Variants in SORCS2 observed in about 807,000 individuals in gnomAD.
SORCS2 encodes VPS10 domain-containing receptor SorCS2.
In SORCS2, 100 loss-of-function variants were observed where a neutral mutation model predicts 141.6. The ratio of observed to expected loss-of-function variants is 0.71; its 90% CI spans 0.60 to 0.83. The LOEUF is 0.83. Among genes scored for constraint, SORCS2 ranks in the 40% least tolerant of loss-of-function variants. The pLI is 0.00. For missense variants in SORCS2, 1,646 were observed against 1,560.2 expected, an observed-to-expected ratio of 1.05 and a Z score of -0.93; for synonymous variants, 789 against 676.9, an observed-to-expected ratio of 1.17 and a Z score of -2.57.
At chr4:7,601,495 CG>C (rs1717662394) in intron 3 of SORCS2, among the ~76,000 whole-genome samples, 1 of 151,346 alleles carries the variant, frequency 6.6e-6, no homozygotes, top group Non-Finnish European at 1.5e-5. Context: ...GCTGCATGCC[CG>C]TAGTCCCAGC....
At chr4:7,465,046 C>G (rs1325108940) in intron 2 of SORCS2, among the ~76,000 whole-genome samples, 1 of 152,238 alleles carries the variant, frequency 6.6e-6, no homozygotes, top group Non-Finnish European at 1.5e-5. Flanking sequence ...ATGAGGATGA[C>G]AAAGCACCCC....
chr4:7,624,746 C>G (rs1287859343), intron 3 of SORCS2, among the ~76,000 whole-genome samples: 1 of 152,254 alleles, frequency 6.6e-6, no homozygotes, highest in South Asian at 2.1e-4. Flanking sequence ...CACCATCACT[C>G]CAGAGAATTA....
rs1291159616 is a variant in SORCS2 at position 7,664,518 on chromosome 4, G to A, written c.1071+47G>A. 3 of 1,407,142 alleles carry A rather than the reference G, an allele frequency of 2.1e-6. No individual in the cohort carries two copies. The highest frequency in any genetic ancestry group is 2.1e-5 in the Admixed American group (1 of 47,694). The allele number at this position is 1,407,142 out of a possible 1,614,324, so 87.2% of individuals were successfully genotyped here. The stretch of plus-strand genomic sequence containing the variant: ...TTGGAAATTGGCAACAGGTGACGTG[G>A]CGGATGACCCGTTCGCGGCAAAAAT... On this transcript the variant is annotated intron_variant, in intron 7 of 26. Transcript: ENST00000507866. The surrounding 1 kb of genome is among the most constrained non-coding windows in gnomAD (Gnocchi z 4.7).
chr4:7,535,116 T>C (rs1194931939), intron 3 of SORCS2, among the ~76,000 whole-genome samples: 1 of 152,162 alleles, frequency 6.6e-6, no homozygotes, highest in Non-Finnish European at 1.5e-5. Context: ...GGGCTGGGCT[T>C]CTGGGTGCCC....
At chr4:7,440,250 G>A (rs1166499257) in intron 2 of SORCS2, among the ~76,000 whole-genome samples, 1 of 152,194 alleles carries the variant, frequency 6.6e-6, no homozygotes, top group Non-Finnish European at 1.5e-5. Flanking sequence ...CCTGGAGTCT[G>A]GGACCGGGGA....
intron 2 of SORCS2, among the ~76,000 whole-genome samples, chr4:7,447,080 A>G (rs1728049394): frequency 6.6e-6 from 1 of 152,224 alleles, no homozygotes. Context: ...TACTTTTCTT[A>G]TAGAAGCAGG....
intron 3 of SORCS2, among the ~76,000 whole-genome samples, chr4:7,616,604 T>G (rs188547168): frequency 6.6e-6 from 1 of 152,294 alleles, no homozygotes; most frequent in East Asian, 1.9e-4. Flanking sequence ...CTCTGTGGGT[T>G]GGTTGGGTCA....
intron 9 of SORCS2, among the ~76,000 whole-genome samples, chr4:7,678,797 T>A (rs1232403101): frequency 1.3e-5 from 2 of 151,518 alleles, no homozygotes; most frequent in Non-Finnish European, 2.9e-5. Context: ...AGCACAACTC[T>A]GGAGCCTGAC....
At chr4:7,215,526 C>T (rs991825537) in intron 1 of SORCS2, among the ~76,000 whole-genome samples, 21 of 152,372 alleles carry the variant, frequency 1.4e-4, no homozygotes, top group Non-Finnish European at 2.2e-4. Flanking sequence ...TGCATGGCGC[C>T]GGACTGGCAG....
At chr4:7,418,682 C>A (rs1725847454) in intron 2 of SORCS2, among the ~76,000 whole-genome samples, 1 of 145,346 alleles carries the variant, frequency 6.9e-6, no homozygotes, top group African/African-American at 2.6e-5. Flanking sequence ...TATCAGTTAG[C>A]TTTTGCTGCG....
At chr4:7,732,815 G>T (rs1327658651) in intron 23 of SORCS2, among the ~76,000 whole-genome samples, 1 of 152,126 alleles carries the variant, frequency 6.6e-6, no homozygotes, top group Non-Finnish European at 1.5e-5. Context: ...TCCCTTCCAT[G>T]GTTCTTGGTG....
At chr4:7,297,203 CAGAGGCCCTGTCT>C (rs1348985496) in intron 1 of SORCS2, among the ~76,000 whole-genome samples, 3 of 152,166 alleles carry the variant, frequency 2.0e-5, no homozygotes, top group Non-Finnish European at 4.4e-5. Flanking sequence ...TCCTGGAGGC[CAGAGGCCCTGTCT>C]GAGTCACCCC....
chr4:7,625,150 G>C (rs895347532), intron 3 of SORCS2, among the ~76,000 whole-genome samples: 1 of 152,186 alleles, frequency 6.6e-6, no homozygotes. Flanking sequence ...TTTAGCAATT[G>C]TCAGGCCAGT....
intron 1 of SORCS2, among the ~76,000 whole-genome samples, chr4:7,317,273 G>A (rs1451193868): frequency 1.3e-5 from 2 of 152,206 alleles, no homozygotes; most frequent in African/African-American, 4.8e-5. Flanking sequence ...CACCTAGCCT[G>A]GGGGCATGGA....
intron 2 of SORCS2, among the ~76,000 whole-genome samples, chr4:7,527,128 G>A (rs930990617): frequency 2.0e-5 from 3 of 152,080 alleles, no homozygotes; most frequent in South Asian, 2.1e-4. Flanking sequence ...ACCTCCGGCC[G>A]CCCTGTTGTC....
chr4:7,262,009 T>C (rs1430752662), intron 1 of SORCS2, among the ~76,000 whole-genome samples: 1 of 152,236 alleles, frequency 6.6e-6, no homozygotes, highest in Non-Finnish European at 1.5e-5. Flanking sequence ...GTATACAAAA[T>C]AGATTTGAGC....
Position 7,286,201 on chromosome 4 carries a change from G to T in SORCS2, c.480+93075G>T, listed in dbSNP as rs886768617. On this transcript the variant is annotated intron_variant, in intron 1 of 26. Coordinates refer to ENST00000507866, the MANE Select transcript of SORCS2 (RefSeq NM_020777.3). The surrounding 1 kb of genome is among the most constrained non-coding windows in gnomAD (Gnocchi z 4.1). ...AGGCCTGTGCCGGTCCTCACTGCACGACTCGGACCCTGAGTCTCCTCGCGT... is the reference window on the plus strand; with the variant it reads ...AGGCCTGTGCCGGTCCTCACTGCACTACTCGGACCCTGAGTCTCCTCGCGT... 1.3e-5 allele frequency among the ~76,000 whole-genome samples: 2 copies of T among 152,198 alleles called. No individual in the cohort carries two copies. Among genetic ancestry groups the T allele is most frequent in the Non-Finnish European group, 2.9e-5 (2 of 68,028 alleles).
chr4:7,725,265 G>A lies in SORCS2; in HGVS notation c.2723G>A (p.Trp908Ter). The A allele has an allele frequency of 1.2e-6, 2 of 1,613,394 alleles. No individual in the cohort carries two copies. The highest frequency in any genetic ancestry group is 1.1e-5 in the South Asian group (1 of 91,070). Reference sequence around the variant, plus strand: ...AACCCTAACCTCACCGTCTTCTACTGGTGGATCGGCCACAGCCTGCAGGTG... The same window carrying A: ...AACCCTAACCTCACCGTCTTCTACTAGTGGATCGGCCACAGCCTGCAGGTG... The part of the protein sequence containing the change: ...PLNPNLTVFY[W>*]WIGHSLQPLL... Residue 908 changes from tryptophan (W) to a stop codon, truncating the protein, a stop_gained, in exon 20 of 27, where the codon TGG becomes TAG. Coordinates refer to ENST00000507866, the MANE Select transcript of SORCS2 (RefSeq NM_020777.3). LOFTEE classifies it high-confidence loss of function.
chr4:7,302,759 C>T (rs912022989), intron 1 of SORCS2, among the ~76,000 whole-genome samples: 5 of 73,694 alleles, frequency 6.8e-5, no homozygotes, highest in African/African-American at 1.9e-4. Flanking sequence ...ATCTAGTAGA[C>T]AGTCCACATA....
Sources: gnomAD v4.1 joint callset for allele counts (sites outside exome capture counted in the v4.1 genomes callset) on GRCh38, gnomAD v4.1.1 for gene constraint, Gnocchi (gnomAD v3.1) non-coding constraint, MANE v1.5 for transcripts, NCBI Gene and HGNC (gene_info 2026-07-23, HGNC 2026-07-21) for gene names.